Variants in MYRIP observed in about 807,000 individuals in gnomAD.
MYRIP encodes the protein rab effector MyRIP.
A neutral mutation model predicts 98.0 loss-of-function variants in MYRIP; 49 were observed. The observed-to-expected ratio is 0.50, with a 90% CI of 0.40 to 0.63. MYRIP has a LOEUF of 0.63. Ranked by LOEUF, MYRIP falls within the 30% of genes least tolerant of loss-of-function variation. The pLI, the probability that MYRIP is intolerant of heterozygous loss-of-function variation, is 0.00. For missense variants in MYRIP, 1,004 were observed against 1,058.2 expected (o/e 0.95, Z 0.71); for synonymous variants, 404 against 409.5 (o/e 0.99, Z 0.16).
intron 2 of MYRIP, among the ~76,000 whole-genome samples, chr3:39,968,998 C>T (rs951818553): frequency 2.0e-5 from 3 of 152,120 alleles, no homozygotes; most frequent in Non-Finnish European, 4.4e-5. Flanking sequence ...TCTCTGACTT[C>T]TTTGAGAAGT....
Position 39,879,991 on chromosome 3 carries a change from A to C in MYRIP, c.-30-20796A>C, listed in dbSNP as rs1220354012. ...ACAAACTGGTGACTGTTTTCATTGA[A>C]GAAGCCTTATAAATATGGATCTTAC... On this transcript the variant is annotated intron_variant, in intron 1 of 16. Transcript: ENST00000302541. 5.9e-5 allele frequency among the ~76,000 whole-genome samples: 9 copies of C among 152,312 alleles called. No individual in the cohort carries two copies. In the East Asian group the frequency reaches 1.7e-3, roughly 29 times the overall value.
intron 2 of MYRIP, among the ~76,000 whole-genome samples, chr3:40,009,852 G>A (rs1198761725): frequency 1.3e-5 from 2 of 152,246 alleles, no homozygotes; most frequent in Non-Finnish European, 2.9e-5. Context: ...ATTCTACAAA[G>A]TAGGCGTTAT....
At chr3:40,180,160 G>A (rs1950852349) in intron 8 of MYRIP, among the ~76,000 whole-genome samples, 5 of 152,140 alleles carry the variant, frequency 3.3e-5, no homozygotes, top group African/African-American at 9.7e-5. Context: ...CACTTTACAT[G>A]TGTGTTAGCT....
At chr3:40,044,517 C>A (rs1947626332) in intron 3 of MYRIP, among the ~76,000 whole-genome samples, 1 of 152,192 alleles carries the variant, frequency 6.6e-6, no homozygotes, top group Non-Finnish European at 1.5e-5. Flanking sequence ...ATTGAAGATG[C>A]AGCTCCTACA....
intron 2 of MYRIP, among the ~76,000 whole-genome samples, chr3:39,946,455 A>T (rs1450554361): frequency 1.3e-5 from 2 of 152,142 alleles, no homozygotes; most frequent in African/African-American, 4.8e-5. Flanking sequence ...ACCTAATCAG[A>T]CAAGCCCTTT....
At chr3:39,846,017 T>C (rs1173427203) in intron 1 of MYRIP, among the ~76,000 whole-genome samples, 1 of 152,232 alleles carries the variant, frequency 6.6e-6, no homozygotes, top group Non-Finnish European at 1.5e-5. Context: ...AATATAAATT[T>C]TGTGCCTTCT....
chr3:40,141,979 A>G (rs1002439362), intron 3 of MYRIP, among the ~76,000 whole-genome samples: 1 of 151,894 alleles, frequency 6.6e-6, no homozygotes, highest in Non-Finnish European at 1.5e-5. Context: ...ATTTCAGTGA[A>G]GAATTTCACT....
chr3:40,044,005 T>G, intron 2 of MYRIP, 45 bp from the exon 3 acceptor site: 1 of 1,580,512 alleles, frequency 6.3e-7, no homozygotes, highest in Non-Finnish European at 8.7e-7. Context: ...TGACCTGATG[T>G]TGTGTTTCTC....
chr3:39,879,367 C>T (rs780860418), intron 1 of MYRIP, among the ~76,000 whole-genome samples: 1 of 148,920 alleles, frequency 6.7e-6, no homozygotes, highest in South Asian at 2.1e-4. Context: ...TTTTCTTTGA[C>T]CTTGGGTGAC....
intron 3 of MYRIP, among the ~76,000 whole-genome samples, chr3:40,077,964 G>A (rs577070210): frequency 4.3e-4 from 65 of 152,378 alleles, no homozygotes; most frequent in African/African-American, 1.2e-3. Context: ...GGGACTGGGC[G>A]CCGTGGAGCA....
intron 2 of MYRIP, among the ~76,000 whole-genome samples, chr3:39,917,366 T>C (rs1051991252): frequency 6.8e-5 from 10 of 148,140 alleles, no homozygotes; most frequent in African/African-American, 2.5e-4. Context: ...TGAGCCTTCA[T>C]AGCAAAGTGA....
intron 1 of MYRIP, among the ~76,000 whole-genome samples, chr3:39,827,533 T>C (rs534282423): frequency 6.6e-6 from 1 of 152,346 alleles, no homozygotes; most frequent in South Asian, 2.1e-4. Context: ...ATTGGTTGTT[T>C]TCTTGATTGT....
rs1553607293 is a variant in MYRIP, at chr3:40,036,324, A to AAAAAC, written c.111-7726_111-7725insAAAAC. On this transcript the variant is annotated intron_variant, in intron 2 of 16. Coordinates refer to ENST00000302541, the MANE Select transcript of MYRIP (RefSeq NM_015460.4). ...TACCAAAAAAAAAAAAAAAAAAAAA[A>AAAAAC]CTTTATTCAAAATGAGCTGTCAACT... 2.8e-3 allele frequency among the ~76,000 whole-genome samples: 356 copies of AAAAAC among 125,602 alleles called. 24 individuals carry two copies. Among genetic ancestry groups the AAAAAC allele is most frequent in the Non-Finnish European group, 3.6e-3 (218 of 60,042 alleles). The allele number at this position is 125,602 out of a possible 152,430, so 82.4% of individuals were successfully genotyped here.
chr3:40,124,408 G>C (rs570069259), intron 3 of MYRIP, among the ~76,000 whole-genome samples: 18 of 152,338 alleles, frequency 1.2e-4, no homozygotes, highest in Non-Finnish European at 1.9e-4. Context: ...GTCTGAGGAA[G>C]AAAATTTCAC....
At chr3:39,918,556 T>C (rs1222017783) in intron 2 of MYRIP, among the ~76,000 whole-genome samples, 2 of 152,212 alleles carry the variant, frequency 1.3e-5, no homozygotes, top group Non-Finnish European at 2.9e-5. Flanking sequence ...ATTCTATGTG[T>C]AGGGGCTCAG....
intron 13 of MYRIP, among the ~76,000 whole-genome samples, chr3:40,245,774 G>T (rs1953178675): frequency 9.1e-6 from 1 of 109,506 alleles, no homozygotes; most frequent in Admixed American, 1.1e-4. Flanking sequence ...TTGAGACAGA[G>T]TCTTACTCTG....
intron 2 of MYRIP, among the ~76,000 whole-genome samples, chr3:39,907,106 G>A (rs2125676794): frequency 6.6e-6 from 1 of 152,222 alleles, no homozygotes; most frequent in East Asian, 1.9e-4. Flanking sequence ...CATGGACTGT[G>A]TCTGCTTGGG....
At chr3:40,226,628 C>T (rs1328649616) in intron 11 of MYRIP, among the ~76,000 whole-genome samples, 2 of 152,304 alleles carry the variant, frequency 1.3e-5, no homozygotes, top group East Asian at 1.9e-4. Flanking sequence ...ATACAAATCC[C>T]GGCTTCTTCA....
chr3:39,992,145 T>C (rs1361500323), intron 2 of MYRIP, among the ~76,000 whole-genome samples: 1 of 152,118 alleles, frequency 6.6e-6, no homozygotes, highest in African/African-American at 2.4e-5. Context: ...AAGAAATTGG[T>C]CACAAGTAGG....
Sources: gnomAD v4.1 joint callset for allele counts (sites outside exome capture counted in the v4.1 genomes callset) on GRCh38, gnomAD v4.1.1 for gene constraint, MANE v1.5 for transcripts, NCBI Gene and HGNC (gene_info 2026-07-23, HGNC 2026-07-21) for gene names.